PCDHA1: variants seen among roughly 807,000 people sequenced by gnomAD.
The protein encoded by PCDHA1 is protocadherin alpha-1.
A neutral mutation model predicts 61.3 loss-of-function variants in PCDHA1; 42 were observed. That is an observed-to-expected ratio of 0.69 (90% CI 0.54 to 0.89). The LOEUF (loss-of-function observed/expected upper bound fraction) is 0.89, where lower values mean the gene tolerates loss of function less well. Among genes scored for constraint, PCDHA1 ranks in the 40% least tolerant of loss-of-function variants. PCDHA1 has a pLI of 0.00. For synonymous variants in PCDHA1, 610 were observed against 553.8 expected, an observed-to-expected ratio of 1.10 and a Z score of -1.43; for missense variants, 1,256 against 1,235.3, an observed-to-expected ratio of 1.02 and a Z score of -0.25.
chr5:140,794,270 C>A (rs1761845885), intron 1 of PCDHA1, among the ~76,000 whole-genome samples: 1 of 152,162 alleles, frequency 6.6e-6, no homozygotes, highest in Non-Finnish European at 1.5e-5. Context: ...ATAAACAAAA[C>A]GTGGTGTATA....
At position 141,011,322 on chromosome 5, in the gene PCDHA1, C is replaced by T. The variant is rs1210973958; in HGVS notation, c.*1385C>T. The T allele has an allele frequency of 2.0e-5, 3 of 153,698 alleles. No individual in the cohort carries two copies. The highest frequency in any genetic ancestry group is 7.2e-5 in the African/African-American group (3 of 41,430). The allele number at this position is 153,698 out of a possible 1,614,324, so 9.5% of individuals were successfully genotyped here. On this transcript the variant is annotated 3_prime_UTR_variant, in exon 4 of 4. Coordinates refer to ENST00000504120, the MANE Select transcript of PCDHA1 (RefSeq NM_018900.4). Reference sequence around the variant, plus strand: ...CTCTGAATTGCTAATCTTACTAACACCTATGATGTTACCTGAAATCAATCT... The same window carrying T: ...CTCTGAATTGCTAATCTTACTAACATCTATGATGTTACCTGAAATCAATCT...
intron 1 of PCDHA1, among the ~76,000 whole-genome samples, chr5:140,939,244 A>AG: frequency 6.6e-6 from 1 of 152,270 alleles, no homozygotes; most frequent in Admixed American, 6.5e-5. Flanking sequence ...GGAGCAAGGT[A>AG]GCTCTCTGGA....
intron 1 of PCDHA1, among the ~76,000 whole-genome samples, chr5:140,949,015 T>A (rs1004348581): frequency 7.9e-5 from 12 of 151,734 alleles, no homozygotes; most frequent in Non-Finnish European, 1.2e-4. Context: ...ATATGTGATG[T>A]TTTTATTTTT....
chr5:141,003,589 A>G (rs781995684), intron 3 of PCDHA1, among the ~76,000 whole-genome samples: 9 of 152,170 alleles, frequency 5.9e-5, no homozygotes, highest in Non-Finnish European at 1.3e-4. Context: ...CTGGGATTTT[A>G]GATGTGAGCC....
chr5:140,849,959 C>G lies in PCDHA1; in HGVS notation c.2394+61275C>G, dbSNP rs2150460444. On this transcript the variant is annotated intron_variant, in intron 1 of 3. Transcript: ENST00000504120. ...GGGACGCTGACGCGCAGGAGAACGC[C>G]CTGGTGTCCTACTCGCTGGTGGAGC... 52 of 1,597,872 alleles carry G rather than the reference C, an allele frequency of 3.3e-5. 2 individuals are homozygous for G. Among genetic ancestry groups the G allele is most frequent in the African/African-American group, 2.7e-4 (20 of 74,536 alleles).
intron 1 of PCDHA1, chr5:140,852,271 A>C (rs1554145738): frequency 6.0e-6 from 3 of 502,014 alleles, no homozygotes; most frequent in African/African-American, 2.1e-5. Context: ...ACAATATTAC[A>C]TGTTTTTTGT....
At chr5:140,876,750 T>C (rs2056553251) in intron 1 of PCDHA1, 7 of 1,614,238 alleles carry the variant, frequency 4.3e-6, no homozygotes, top group African/African-American at 1.3e-5. Flanking sequence ...TGGTGGTGAC[T>C]GCGCGGGATG....
chr5:140,992,127 T>G (rs1237289084), intron 3 of PCDHA1, among the ~76,000 whole-genome samples: 1 of 151,584 alleles, frequency 6.6e-6, no homozygotes, highest in Non-Finnish European at 1.5e-5. Flanking sequence ...GGAAGAACAG[T>G]GACTGATGAT....
At chr5:140,902,189 C>T (rs2069172292) in intron 1 of PCDHA1, among the ~76,000 whole-genome samples, 1 of 145,890 alleles carries the variant, frequency 6.9e-6, no homozygotes, top group African/African-American at 2.6e-5. Flanking sequence ...TATGTCTTCT[C>T]TCTCTCTCTC....
intron 1 of PCDHA1, among the ~76,000 whole-genome samples, chr5:140,891,207 GCTGTGTCTTTATAATCATC>G (rs2062985050): frequency 6.6e-6 from 1 of 152,054 alleles, no homozygotes; most frequent in Non-Finnish European, 1.5e-5. Context: ...GTTTTACCAT[GCTGTGTCTTTATAATCATC>G]CTGTTCTGGA....
Position 140,857,792 on chromosome 5 carries a change from C to T in PCDHA1, c.2394+69108C>T, listed in dbSNP as rs368399538. 21 of 1,597,428 alleles carry T rather than the reference C, an allele frequency of 1.3e-5. 1 individual carries two copies. In the African/African-American group the frequency reaches 2.6e-4, roughly 19 times the overall value. On this transcript the variant is annotated intron_variant, in intron 1 of 3. Coordinates refer to ENST00000504120, the MANE Select transcript of PCDHA1 (RefSeq NM_018900.4). ...CGGTGCAGTCAGTGAGCTGGTGCTGCGGTCGGTGGTTGCGGGTCACGTGGT... is the reference window on the plus strand; with the variant it reads ...CGGTGCAGTCAGTGAGCTGGTGCTGTGGTCGGTGGTTGCGGGTCACGTGGT...
In PCDHA1 at chr5:140,797,261, A is replaced by C. The variant is rs540368650; in HGVS notation, c.2394+8577A>C. On this transcript the variant is annotated intron_variant, in intron 1 of 3. Coordinates refer to ENST00000504120, the MANE Select transcript of PCDHA1 (RefSeq NM_018900.4). ...GTGTGCTCTGGGGAGGACCCCCCCAAGACGGACCTCATGGCCTTCAGCCCT... is the reference window on the plus strand; with the variant it reads ...GTGTGCTCTGGGGAGGACCCCCCCACGACGGACCTCATGGCCTTCAGCCCT... The C allele has an allele frequency of 1.2e-5, 20 of 1,614,214 alleles. No individual in the cohort carries two copies. The South Asian group carries it at 2.0e-4, about 16-fold the overall frequency.
Position 140,786,586 on chromosome 5 carries a change from G to C in PCDHA1, c.296G>C (p.Ser99Thr), listed in dbSNP as rs568026611. 2.6e-5 allele frequency: 42 copies of C among 1,614,268 alleles called. No homozygotes were observed. The highest frequency in any genetic ancestry group is 6.7e-5 in the Admixed American group (4 of 60,026). Reference protein sequence around the residue: ...RIDREELCQWSAECSIHLELI... With the variant: ...RIDREELCQWTAECSIHLELI... ...GATCGCGAGGAGCTGTGCCAGTGGA[G>C]CGCGGAGTGCAGCATCCACCTGGAG... The change falls in exon 1 of 4, where the codon AGC becomes ACC. Residue 99 changes from serine (S) to threonine (T), a missense_variant. Physicochemically the swap from Ser to Thr is moderately conservative, Grantham distance 58. Coordinates refer to ENST00000504120, the MANE Select transcript of PCDHA1 (RefSeq NM_018900.4).
intron 1 of PCDHA1, chr5:140,801,419 T>C: frequency 6.2e-7 from 1 of 1,613,802 alleles, no homozygotes. Context: ...ACGGGGACCT[T>C]CTGGAGGTAA....
In PCDHA1 at chr5:140,829,580, C is replaced by T. The variant is rs1481552888; in HGVS notation, c.2394+40896C>T. ...GCTGGTGTCCTACTCGCTGGTGGAG[C>T]GGCGGGTGGGCGAGCGCGCGTTGTC... On this transcript the variant is annotated intron_variant, in intron 1 of 3. Coordinates refer to ENST00000504120, the MANE Select transcript of PCDHA1 (RefSeq NM_018900.4). 4 of 1,612,184 alleles carry T rather than the reference C, an allele frequency of 2.5e-6. No homozygotes were observed. In the African/African-American group the frequency reaches 4.0e-5, roughly 16 times the overall value.
intron 1 of PCDHA1, among the ~76,000 whole-genome samples, chr5:140,939,456 T>C (rs1554212738): frequency 6.6e-6 from 1 of 152,206 alleles, no homozygotes; most frequent in Non-Finnish European, 1.5e-5. Flanking sequence ...GTGAAATTTA[T>C]AGGCCTAGAA....
intron 1 of PCDHA1, among the ~76,000 whole-genome samples, chr5:140,962,524 G>T (rs1410879766): frequency 6.6e-6 from 1 of 152,012 alleles, no homozygotes; most frequent in Non-Finnish European, 1.5e-5. Flanking sequence ...TAATATATTA[G>T]TTTTTTAGAA....
At chr5:140,812,905 G>A (rs1044730228) in intron 1 of PCDHA1, 7 of 151,944 alleles carry the variant, frequency 4.6e-5, no homozygotes, top group East Asian at 3.9e-4. Context: ...ACAGAATTTC[G>A]TTCAAAATTC....
intron 1 of PCDHA1, chr5:140,927,184 G>A (rs781951426): frequency 1.2e-6 from 2 of 1,614,160 alleles, no homozygotes; most frequent in South Asian, 1.1e-5. Context: ...CTTGACCTAC[G>A]ACCTGGTGCT....
Sources: allele counts gnomAD v4.1 joint callset (sites outside exome capture counted in the v4.1 genomes callset), GRCh38; gene constraint gnomAD v4.1.1; transcripts MANE v1.5; gene names NCBI Gene and HGNC (gene_info 2026-07-23, HGNC 2026-07-21).